Variants in SIPA1L1 observed in about 807,000 individuals in gnomAD.
The protein encoded by SIPA1L1 is signal induced proliferation associated 1 like 1, also known as signal-induced proliferation-associated 1-like protein 1.
SIPA1L1 carries 26 observed loss-of-function variants against 162.7 expected under a neutral mutation model. The ratio of observed to expected loss-of-function variants is 0.16; its 90% CI spans 0.12 to 0.22. The LOEUF (loss-of-function observed/expected upper bound fraction) is 0.22, where lower values mean the gene tolerates loss of function less well. SIPA1L1 is among the 10% of genes least tolerant of loss of function. The pLI is 1.00. For synonymous variants in SIPA1L1, 829 were observed against 837.4 expected (o/e 0.99, Z 0.17); for missense variants, 1,874 against 2,241.0 (o/e 0.84, Z 3.31).
In SIPA1L1 at chr14:71,422,502, A is replaced by G. The variant is rs554626074; in HGVS notation, c.-464-90241A>G. On this transcript the variant is annotated intron_variant, in intron 2 of 23. Transcript: ENST00000381232. The stretch of plus-strand genomic sequence containing the variant: ...CATTCCTACCACTGCCCAGGCCCTG[A>G]TGTCCATCATTCTGCTTTCTGTCTC... Among the ~76,000 whole-genome samples, 3 of 152,232 alleles carry G rather than the reference A, an allele frequency of 2.0e-5. No homozygotes were observed. In the East Asian group the frequency reaches 5.8e-4, roughly 29 times the overall value.
At position 71,649,036 on chromosome 14, in the gene SIPA1L1, G is replaced by C. The variant is rs754434613; in HGVS notation, c.1819-1299G>C. Among the ~76,000 whole-genome samples, 102 of 152,202 alleles carry C rather than the reference G, an allele frequency of 6.7e-4. 1 individual carries two copies. Among genetic ancestry groups the C allele is most frequent in the Non-Finnish European group, 1.1e-3 (75 of 68,010 alleles). On this transcript the variant is annotated intron_variant, in intron 7 of 23. Coordinates refer to ENST00000381232, the MANE Select transcript of SIPA1L1 (RefSeq NM_001386936.1). ...TGCACGTAGTGCCTGGCATATGATA[G>C]GTATTCAATAAATGTTAGCTATTAA...
rs544839323 is a variant in SIPA1L1 at position 71,640,670 on chromosome 14, G to T, written c.1819-9665G>T. Among the ~76,000 whole-genome samples the T allele has an allele frequency of 1.1e-3, 171 of 152,250 alleles. 2 individuals carry two copies. The highest frequency in any genetic ancestry group is 4.0e-3 in the African/African-American group (167 of 41,538). On this transcript the variant is annotated intron_variant, in intron 7 of 23. Coordinates refer to ENST00000381232, the MANE Select transcript of SIPA1L1 (RefSeq NM_001386936.1). ...GACGGAGTCTCACACTATTGCCCAG[G>T]CTGGAGTGCAGTGGTGCAGTCTTGG...
intron 2 of SIPA1L1, among the ~76,000 whole-genome samples, chr14:71,391,643 A>C (rs2040768585): frequency 6.6e-6 from 1 of 152,138 alleles, no homozygotes; most frequent in Non-Finnish European, 1.5e-5. Context: ...CTGCTCTGAG[A>C]ACTTAATGTG....
chr14:71,630,456 C>A (rs891012901), intron 7 of SIPA1L1, among the ~76,000 whole-genome samples: 10 of 152,130 alleles, frequency 6.6e-5, no homozygotes, highest in Non-Finnish European at 1.2e-4. Flanking sequence ...CTGCAGTTTG[C>A]AGTGAGAGAA....
chr14:71,735,299 T>C lies in SIPA1L1; in HGVS notation c.5031T>C (p.Ala1677=), dbSNP rs758440511. 1.2e-6 allele frequency: 2 copies of C among 1,614,040 alleles called. No homozygotes were observed. Among genetic ancestry groups the C allele is most frequent in the South Asian group, 2.2e-5 (2 of 91,084 alleles). Reference sequence around the variant, plus strand: ...CAGTCCAGAGAGCCTCATTTTTTGCTGCTAGTGATGAAAACCATCGCCCCT... The same window carrying C: ...CAGTCCAGAGAGCCTCATTTTTTGCCGCTAGTGATGAAAACCATCGCCCCT... ...AYEVQRASFF[A]ASDENHRPLS... Residue 1677 remains alanine (A), a synonymous_variant, in exon 22 of 24, where the codon GCT becomes GCC. Coordinates refer to ENST00000381232, the MANE Select transcript of SIPA1L1 (RefSeq NM_001386936.1).
At chr14:71,499,711 A>G (rs1053302520) in intron 2 of SIPA1L1, among the ~76,000 whole-genome samples, 4 of 152,200 alleles carry the variant, frequency 2.6e-5, no homozygotes, top group African/African-American at 9.6e-5. Context: ...TAGTAATGAG[A>G]TATTCAGGGG....
intron 2 of SIPA1L1, among the ~76,000 whole-genome samples, chr14:71,433,067 A>G (rs2044116555): frequency 6.6e-6 from 1 of 152,174 alleles, no homozygotes; most frequent in Non-Finnish European, 1.5e-5. Flanking sequence ...TTATCTGTTT[A>G]TAGGTGAGAA....
chr14:71,683,110 C>T (rs1308884822), intron 12 of SIPA1L1, among the ~76,000 whole-genome samples: 5 of 152,140 alleles, frequency 3.3e-5, no homozygotes, highest in East Asian at 3.8e-4. Context: ...ACCTTGATCA[C>T]GTCACAGCAC....
At chr14:71,659,383 A>G (rs2043319853) in intron 9 of SIPA1L1, among the ~76,000 whole-genome samples, 1 of 152,240 alleles carries the variant, frequency 6.6e-6, no homozygotes, top group Non-Finnish European at 1.5e-5. Context: ...TCACAAATCT[A>G]GGTAACAAAG....
intron 7 of SIPA1L1, among the ~76,000 whole-genome samples, chr14:71,637,218 C>T (rs1168010172): frequency 3.3e-5 from 5 of 150,598 alleles, no homozygotes; most frequent in Non-Finnish European, 5.9e-5. Context: ...CAAAGAAAAA[C>T]AGACAATACA....
At chr14:71,509,458 A>G (rs1465964028) in intron 2 of SIPA1L1, among the ~76,000 whole-genome samples, 1 of 152,088 alleles carries the variant, frequency 6.6e-6, no homozygotes, top group Non-Finnish European at 1.5e-5. Flanking sequence ...TATCAAGGAA[A>G]CAAGCTGGGC....
At chr14:71,452,642 C>G (rs577723198) in intron 2 of SIPA1L1, among the ~76,000 whole-genome samples, 1 of 152,162 alleles carries the variant, frequency 6.6e-6, no homozygotes, top group Non-Finnish European at 1.5e-5. Flanking sequence ...TTTACTGATT[C>G]ACTCTCACAC....
chr14:71,396,125 A>G (rs1337791077), intron 2 of SIPA1L1, among the ~76,000 whole-genome samples: 1 of 152,148 alleles, frequency 6.6e-6, no homozygotes, highest in African/African-American at 2.4e-5. Flanking sequence ...GATCATTTAA[A>G]AAAAAAAATC....
chr14:71,718,120 C>G (rs1040817497), intron 17 of SIPA1L1, among the ~76,000 whole-genome samples: 2 of 152,200 alleles, frequency 1.3e-5, no homozygotes, highest in Admixed American at 6.5e-5. Flanking sequence ...TTTACCTAAT[C>G]TTCCAGGCAT....
intron 2 of SIPA1L1, among the ~76,000 whole-genome samples, chr14:71,426,876 A>T (rs1046592858): frequency 9.9e-5 from 15 of 152,208 alleles, no homozygotes; most frequent in Non-Finnish European, 2.9e-5. Flanking sequence ...TCACAGAATT[A>T]CATCTTTATA....
intron 7 of SIPA1L1, among the ~76,000 whole-genome samples, chr14:71,648,580 A>G (rs1390615469): frequency 1.3e-5 from 2 of 152,202 alleles, no homozygotes; most frequent in African/African-American, 4.8e-5. Flanking sequence ...TTAGAGGGAT[A>G]ATAAAATGTA....
In SIPA1L1 at chr14:71,374,856, C is replaced by T. The variant is rs1034775241; in HGVS notation, c.-465+53675C>T. 2.6e-5 allele frequency among the ~76,000 whole-genome samples: 4 copies of T among 152,042 alleles called. No individual in the cohort carries two copies. The East Asian group carries it at 7.7e-4, about 29-fold the overall frequency. On this transcript the variant is annotated intron_variant, in intron 2 of 23. Coordinates refer to ENST00000381232, the MANE Select transcript of SIPA1L1 (RefSeq NM_001386936.1). The stretch of plus-strand genomic sequence containing the variant: ...CTCCTCCTATTTCCCTTTCCCCATC[C>T]TCTCAATGATAATTTTACCTAAGTT...
intron 11 of SIPA1L1, among the ~76,000 whole-genome samples, chr14:71,672,031 G>A (rs990698197): frequency 6.6e-6 from 1 of 152,022 alleles, no homozygotes; most frequent in Non-Finnish European, 1.5e-5. Flanking sequence ...AGAATTGCTT[G>A]AGTATCTGCT....
chr14:71,411,238 A>T (rs527681941), intron 2 of SIPA1L1, among the ~76,000 whole-genome samples: 2 of 152,238 alleles, frequency 1.3e-5, no homozygotes, highest in South Asian at 4.2e-4. Context: ...TAAGAGAGGG[A>T]AAAAATGTTT....
Sources: gnomAD v4.1 joint callset for allele counts (sites outside exome capture counted in the v4.1 genomes callset) on GRCh38, gnomAD v4.1.1 for gene constraint, MANE v1.5 for transcripts, NCBI Gene and HGNC (gene_info 2026-07-23, HGNC 2026-07-21) for gene names.